PKD1L1: variants seen among roughly 807,000 people sequenced by gnomAD.
The protein encoded by PKD1L1 is polycystin 1 like 1, transient receptor potential channel interacting, also known as polycystin-1-like protein 1.
Under a neutral mutation model 323.4 loss-of-function variants are expected in PKD1L1, and 236 were observed. The observed-to-expected ratio is 0.73, with a 90% CI of 0.66 to 0.81. PKD1L1 has a LOEUF of 0.81. Ranked by LOEUF, PKD1L1 falls within the 40% of genes least tolerant of loss-of-function variation. The pLI, the probability that PKD1L1 is intolerant of heterozygous loss-of-function variation, is 0.00. For synonymous variants in PKD1L1, 1,344 were observed against 1,335.0 expected (o/e 1.01, Z -0.15); for missense variants, 3,320 against 3,508.0 (o/e 0.95, Z 1.35).
chr7:47,875,850 C>A (rs1457458711), intron 23 of PKD1L1, among the ~76,000 whole-genome samples: 1 of 152,112 alleles, frequency 6.6e-6, no homozygotes, highest in Non-Finnish European at 1.5e-5. Flanking sequence ...AAAAAACATT[C>A]TCTGGCATTT....
chr7:47,851,702 T>C (rs1283487964), intron 31 of PKD1L1, among the ~76,000 whole-genome samples: 1 of 152,124 alleles, frequency 6.6e-6, no homozygotes, highest in Non-Finnish European at 1.5e-5. Context: ...TTACCAAACT[T>C]AGCACCATCG....
chr7:47,838,277 C>T (rs1035432695), intron 36 of PKD1L1, among the ~76,000 whole-genome samples: 3 of 152,210 alleles, frequency 2.0e-5, no homozygotes, highest in East Asian at 1.9e-4. Context: ...CTCTCATCAA[C>T]GCAGGTGGCA....
At chr7:47,897,932 G>A (rs1786993328) in intron 14 of PKD1L1, 56 bp downstream of exon 14, 1 of 1,397,466 alleles carries the variant, frequency 7.2e-7, no homozygotes, top group Non-Finnish European at 9.7e-7. Flanking sequence ...TTGCTCCAGG[G>A]CGATGAGAAG....
At chr7:47,835,833 A>T (rs1785445617) in intron 37 of PKD1L1, among the ~76,000 whole-genome samples, 1 of 152,194 alleles carries the variant, frequency 6.6e-6, no homozygotes, top group Non-Finnish European at 1.5e-5. Flanking sequence ...GGAGTGAAAA[A>T]AACACAAGAA....
In PKD1L1 at chr7:47,884,410, G is replaced by C. The variant is rs1583647130; in HGVS notation, c.3265+188C>G. Among the ~76,000 whole-genome samples, 3 of 152,252 alleles carry C rather than the reference G, an allele frequency of 2.0e-5. No individual in the cohort carries two copies. In the South Asian group the frequency reaches 6.2e-4, roughly 32 times the overall value. Reference sequence around the variant, plus strand: ...GATTTTGGAGCATAGGGTGAGAGAAGGGCAGAAAGAGGGGAGCTAGAAATA... The same window carrying C: ...GATTTTGGAGCATAGGGTGAGAGAACGGCAGAAAGAGGGGAGCTAGAAATA... On this transcript the variant is annotated intron_variant, in intron 19 of 56. Coordinates refer to ENST00000289672, the MANE Select transcript of PKD1L1 (RefSeq NM_138295.5).
intron 34 of PKD1L1, among the ~76,000 whole-genome samples, chr7:47,841,184 T>A (rs1348962235): frequency 6.6e-6 from 1 of 152,258 alleles, no homozygotes; most frequent in Non-Finnish European, 1.5e-5. Context: ...CTGTCTCTAA[T>A]GTTCTGGAGT....
At chr7:47,854,851 A>C in intron 30 of PKD1L1, 31 bp downstream of exon 30, 3 of 1,607,284 alleles carry the variant, frequency 1.9e-6, no homozygotes, top group Non-Finnish European at 2.6e-6. Context: ...GTCTTACTCC[A>C]ATCTCATTGT....
Position 47,821,191 on chromosome 7 carries a change from A to T in PKD1L1, c.6855-5T>A, listed in dbSNP as rs758836743. ...AGGATGTCCATGGAAATGTCTCTGT[A>T]AGAAGAGTTTTTAAGTTAGCATCCA... On this transcript the variant is annotated splice_polypyrimidine_tract_variant and splice_region_variant and intron_variant, in intron 45 of 56. Coordinates refer to ENST00000289672, the MANE Select transcript of PKD1L1 (RefSeq NM_138295.5). 42 of 1,583,654 alleles carry T rather than the reference A, an allele frequency of 2.7e-5. No individual in the cohort carries two copies. The East Asian group carries it at 9.4e-4, about 35-fold the overall frequency.
intron 26 of PKD1L1, among the ~76,000 whole-genome samples, chr7:47,863,292 C>T (rs72601615): frequency 0.098 from 14,875 of 151,984 alleles, 940 homozygotes; most frequent in African/African-American, 0.18. Flanking sequence ...TGTGCAGTTT[C>T]GGCCCGTGTG....
At chr7:47,864,725 C>T (rs1786122377) in intron 26 of PKD1L1, among the ~76,000 whole-genome samples, 1 of 116,998 alleles carries the variant, frequency 8.5e-6, no homozygotes, top group African/African-American at 3.2e-5. Flanking sequence ...CCTTTCCTTT[C>T]CTTTCGTTTT....
At chr7:47,888,895 G>C (rs1380844194) in intron 16 of PKD1L1, among the ~76,000 whole-genome samples, 1 of 152,110 alleles carries the variant, frequency 6.6e-6, no homozygotes, top group African/African-American at 2.4e-5. Flanking sequence ...GGGACTTAGG[G>C]AGGGTTTAAA....
At chr7:47,843,740 C>T (rs548512718) in intron 33 of PKD1L1, among the ~76,000 whole-genome samples, 20 of 152,192 alleles carry the variant, frequency 1.3e-4, no homozygotes, top group African/African-American at 2.4e-4. Flanking sequence ...CCCACAGTTC[C>T]GTAGAATGAC....
intron 1 of PKD1L1, among the ~76,000 whole-genome samples, chr7:47,947,473 G>A (rs1041894637): frequency 2.6e-5 from 4 of 152,218 alleles, no homozygotes; most frequent in Non-Finnish European, 5.9e-5. Context: ...CAGGCCAGGG[G>A]ACAGCGGTGA....
intron 26 of PKD1L1, among the ~76,000 whole-genome samples, chr7:47,863,887 C>T (rs1266091342): frequency 3.3e-5 from 5 of 152,064 alleles, no homozygotes; most frequent in African/African-American, 7.2e-5. Flanking sequence ...CAAGAGGCAG[C>T]AAGTATAGCC....
intron 54 of PKD1L1, among the ~76,000 whole-genome samples, chr7:47,797,503 C>T (rs1584949119): frequency 1.3e-5 from 2 of 151,850 alleles, no homozygotes; most frequent in Admixed American, 1.3e-4. Context: ...CTGAGGCCTC[C>T]TGGATTTACC....
At chr7:47,902,058 A>AGAAAAGAAAAGAAAAG (rs1333758124) in intron 13 of PKD1L1, among the ~76,000 whole-genome samples, 2 of 121,954 alleles carry the variant, frequency 1.6e-5, no homozygotes, top group African/African-American at 5.6e-5. Context: ...AGAAAAGAAA[A>AGAAAAGAAAAGAAAAG]AAAAGAAAAG....
chr7:47,871,754 A>G (rs1786284472), intron 24 of PKD1L1, among the ~76,000 whole-genome samples: 1 of 152,246 alleles, frequency 6.6e-6, no homozygotes, highest in Non-Finnish European at 1.5e-5. Flanking sequence ...ACAACAAACT[A>G]GGAATAGAAG....
At chr7:47,920,416 T>C (rs558540149) in intron 7 of PKD1L1, among the ~76,000 whole-genome samples, 1 of 150,970 alleles carries the variant, frequency 6.6e-6, no homozygotes, top group African/African-American at 2.4e-5. Context: ...TGGAAACACA[T>C]CCCATGCTCA....
chr7:47,799,535 A>G (rs1258864015), intron 54 of PKD1L1, among the ~76,000 whole-genome samples: 1 of 152,208 alleles, frequency 6.6e-6, no homozygotes, highest in Non-Finnish European at 1.5e-5. Flanking sequence ...CCTGCTAGGA[A>G]TGTGGCTAGA....
Sources: allele counts gnomAD v4.1 joint callset (sites outside exome capture counted in the v4.1 genomes callset), GRCh38; gene constraint gnomAD v4.1.1; transcripts MANE v1.5; gene names NCBI Gene and HGNC (gene_info 2026-07-23, HGNC 2026-07-21).